Variants in TMEM181 observed in about 807,000 individuals in gnomAD.
TMEM181 encodes the protein transmembrane protein 181, also known as G protein-coupled receptor 178.
In TMEM181, 39 loss-of-function variants were observed where a neutral mutation model predicts 71.9. That is an observed-to-expected ratio of 0.54 (90% CI 0.42 to 0.71). The LOEUF is 0.71. Among genes scored for constraint, TMEM181 ranks in the 30% least tolerant of loss-of-function variants. The pLI is 0.00. For synonymous variants in TMEM181, 245 were observed against 228.8 expected, an observed-to-expected ratio of 1.07 and a Z score of -0.64; for missense variants, 595 against 583.0, an observed-to-expected ratio of 1.02 and a Z score of -0.21.
chr6:158,589,846 T>C, intron 6 of TMEM181, 64 bp downstream of exon 6: 2 of 1,156,296 alleles, frequency 1.7e-6, no homozygotes, highest in South Asian at 1.3e-5. Flanking sequence ...CTTTGTTCAA[T>C]GATTGAAATA....
chr6:158,622,925 C>T (rs984402163), intron 10 of TMEM181, among the ~76,000 whole-genome samples: 35 of 152,214 alleles, frequency 2.3e-4, no homozygotes, highest in Admixed American at 5.9e-4. Flanking sequence ...CCCACGCTTG[C>T]TCTTTATGAG....
intron 1 of TMEM181, among the ~76,000 whole-genome samples, chr6:158,541,232 G>A (rs936020449): frequency 6.6e-6 from 1 of 151,834 alleles, no homozygotes; most frequent in Non-Finnish European, 1.5e-5. Context: ...CCTGGCCAAC[G>A]TGGCGAAACT....
In TMEM181 at chr6:158,536,840, C is replaced by T. The variant is rs751845062; in HGVS notation, c.106C>T (p.Pro36Ser). The T allele has an allele frequency of 2.6e-6, 4 of 1,534,432 alleles. No individual in the cohort carries two copies. In the Admixed American group the frequency reaches 5.5e-5, roughly 21 times the overall value. ...CCGCGAGCTCAAGGAGGACCTCACG[C>T]CCTTCAAGGATGACCGCTACTACAG... Residue 36 changes from proline to serine, a missense_variant, in exon 1 of 17, where the codon CCC (proline) becomes TCC (serine). Physicochemically the swap from Pro to Ser is moderately conservative, Grantham distance 74. Transcript: ENST00000367090.
chr6:158,588,911 C>T (rs1197111777), intron 5 of TMEM181, among the ~76,000 whole-genome samples: 2 of 152,180 alleles, frequency 1.3e-5, no homozygotes, highest in Non-Finnish European at 2.9e-5. Context: ...GAGTGACATT[C>T]CGAAAGGCAG....
At chr6:158,627,543 A>T (rs1319074198) in intron 13 of TMEM181, among the ~76,000 whole-genome samples, 1 of 152,194 alleles carries the variant, frequency 6.6e-6, no homozygotes, top group Non-Finnish European at 1.5e-5. Flanking sequence ...GAGAGGCGAC[A>T]TTTGGCTGAG....
At chr6:158,545,141 A>T (rs1030805587) in intron 1 of TMEM181, among the ~76,000 whole-genome samples, 1 of 152,192 alleles carries the variant, frequency 6.6e-6, no homozygotes, top group Non-Finnish European at 1.5e-5. Flanking sequence ...GGGCACTGCT[A>T]TGCCTACTCC....
At chr6:158,560,270 C>G in intron 1 of TMEM181, 38 bp downstream of exon 1, 1 of 985,200 alleles carries the variant, frequency 1.0e-6, no homozygotes, top group Non-Finnish European at 1.2e-6. Flanking sequence ...GGCTGGCTCT[C>G]CGGACACTCC....
Position 158,633,844 on chromosome 6 carries a change from A to C in TMEM181, c.*1956A>C, listed in dbSNP as rs556397474. On this transcript the variant is annotated 3_prime_UTR_variant, in exon 17 of 17. Coordinates refer to ENST00000684151, the MANE Select transcript of TMEM181 (RefSeq NM_001376852.1). ...TATTGAAAAAAATTTTCTGTTACCAAATTTTACAACTTCTAATAAGACTAC... is the reference window on the plus strand; with the variant it reads ...TATTGAAAAAAATTTTCTGTTACCACATTTTACAACTTCTAATAAGACTAC... 5.9e-4 allele frequency: 90 copies of C among 152,308 alleles called. No homozygotes were observed. The highest frequency in any genetic ancestry group is 1.1e-3 in the Non-Finnish European group (72 of 68,012). The allele number at this position is 152,308 out of a possible 1,614,324, so 9.4% of individuals were successfully genotyped here.
At chr6:158,591,027 C>G (rs1249882859) in intron 6 of TMEM181, among the ~76,000 whole-genome samples, 1 of 152,326 alleles carries the variant, frequency 6.6e-6, no homozygotes, top group East Asian at 1.9e-4. Flanking sequence ...GTCGCGGGAT[C>G]AGTACTTCAC....
intron 6 of TMEM181, among the ~76,000 whole-genome samples, chr6:158,597,791 C>T (rs1188259194): frequency 2.0e-5 from 3 of 152,142 alleles, no homozygotes; most frequent in Admixed American, 2.0e-4. Flanking sequence ...CAGGTGTGAG[C>T]CACTGCACCG....
At chr6:158,611,873 G>T (rs998841551) in intron 10 of TMEM181, among the ~76,000 whole-genome samples, 1 of 152,200 alleles carries the variant, frequency 6.6e-6, no homozygotes, top group African/African-American at 2.4e-5. Context: ...GGGCAGAAGA[G>T]GTTATCACAG....
intron 10 of TMEM181, among the ~76,000 whole-genome samples, chr6:158,619,634 G>C (rs1025162327): frequency 5.3e-5 from 8 of 152,112 alleles, no homozygotes; most frequent in African/African-American, 1.9e-4. Context: ...ACTTTGGGAG[G>C]CCAGTGCAGG....
At chr6:158,628,291 T>C in intron 13 of TMEM181, 117 bp from the exon 14 acceptor site, 1 of 906,932 alleles carries the variant, frequency 1.1e-6, no homozygotes, top group Non-Finnish European at 1.8e-6. Flanking sequence ...GAAGTTCCCA[T>C]GCAGAAATCA....
chr6:158,585,154 T>G, intron 4 of TMEM181, 150 bp from the exon 5 acceptor site: 1 of 743,734 alleles, frequency 1.3e-6, no homozygotes, highest in Non-Finnish European at 2.0e-6. Context: ...TGCTGGGCAA[T>G]TAAGAGATTT....
intron 6 of TMEM181, among the ~76,000 whole-genome samples, chr6:158,593,007 TG>T (rs373058959): frequency 6.6e-6 from 1 of 151,954 alleles, no homozygotes; most frequent in Non-Finnish European, 1.5e-5. Flanking sequence ...TACACATGAG[TG>T]GGGGGGTGTG....
chr6:158,609,040 A>G (rs1005640997), intron 10 of TMEM181, among the ~76,000 whole-genome samples: 9 of 151,964 alleles, frequency 5.9e-5, no homozygotes, highest in African/African-American at 1.9e-4. Context: ...ACAGGTTGCA[A>G]TGAGCCGAGA....
chr6:158,589,902 T>C, intron 6 of TMEM181, 120 bp downstream of exon 6: 1 of 713,054 alleles, frequency 1.4e-6, no homozygotes, highest in Non-Finnish European at 2.3e-6. Flanking sequence ...GGAGGACTTG[T>C]AAAGTTTTTA....
At chr6:158,543,204 G>A (rs1235860006) in intron 1 of TMEM181, among the ~76,000 whole-genome samples, 2 of 152,000 alleles carry the variant, frequency 1.3e-5, no homozygotes, top group African/African-American at 2.4e-5. Flanking sequence ...GCCACGTCTC[G>A]CTCTGAATTG....
chr6:158,629,192 T>G (rs1430100707), intron 14 of TMEM181, among the ~76,000 whole-genome samples: 1 of 152,222 alleles, frequency 6.6e-6, no homozygotes, highest in Non-Finnish European at 1.5e-5. Flanking sequence ...GGGTTCTTTC[T>G]TTGGGATTTC....
Sources: gnomAD v4.1 joint callset for allele counts (sites outside exome capture counted in the v4.1 genomes callset) on GRCh38, gnomAD v4.1.1 for gene constraint, MANE v1.5 for transcripts, NCBI Gene and HGNC (gene_info 2026-07-23, HGNC 2026-07-21) for gene names.